KATNIP: variants seen among roughly 807,000 people sequenced by gnomAD.
The protein encoded by KATNIP is katanin interacting protein.
A neutral mutation model predicts 174.0 loss-of-function variants in KATNIP; 126 were observed. The observed-to-expected ratio is 0.72, with a 90% CI of 0.63 to 0.84. The LOEUF is 0.84. Ranked by LOEUF, KATNIP falls within the 40% of genes least tolerant of loss-of-function variation. The probability of loss-of-function intolerance (pLI) is 0.00; values close to 1 mark genes in which losing one functional copy is unlikely to be tolerated. For missense variants in KATNIP, 1,958 were observed against 2,109.7 expected (o/e 0.93, Z 1.41); for synonymous variants, 810 against 835.7 (o/e 0.97, Z 0.53).
chr16:27,716,029 GC>G (rs1254377716), intron 13 of KATNIP, among the ~76,000 whole-genome samples: 2 of 150,572 alleles, frequency 1.3e-5, no homozygotes, highest in East Asian at 3.9e-4. Flanking sequence ...ATTCAGAATA[GC>G]CAAAAAGTAG....
At chr16:27,561,424 C>T (rs188616951) in intron 1 of KATNIP, among the ~76,000 whole-genome samples, 96 of 152,272 alleles carry the variant, frequency 6.3e-4, no homozygotes, top group African/African-American at 2.2e-3. Context: ...CAGCTGCTTC[C>T]TCTGCTCTCC....
intron 6 of KATNIP, among the ~76,000 whole-genome samples, chr16:27,653,417 C>T (rs755324931): frequency 5.3e-5 from 8 of 151,780 alleles, no homozygotes; most frequent in Non-Finnish European, 1.2e-4. Flanking sequence ...GGCCAGCCCA[C>T]CCCAACCCTG....
chr16:27,582,984 T>C (rs893106109), intron 2 of KATNIP, among the ~76,000 whole-genome samples: 1 of 152,200 alleles, frequency 6.6e-6, no homozygotes, highest in South Asian at 2.1e-4. Flanking sequence ...TCCATCCCTG[T>C]TGGAATTCCT....
intron 13 of KATNIP, among the ~76,000 whole-genome samples, chr16:27,713,854 A>ATATATC (rs1555482296): frequency 3.5e-4 from 24 of 69,330 alleles, no homozygotes; most frequent in South Asian, 1.4e-3. Context: ...ATATATATAT[A>ATATATC]TATCTATCTC....
At chr16:27,616,999 C>T (rs192770161) in intron 2 of KATNIP, among the ~76,000 whole-genome samples, 11 of 149,850 alleles carry the variant, frequency 7.3e-5, no homozygotes, top group South Asian at 2.1e-4. Context: ...GAAAAGCACC[C>T]GGAGGAAGAT....
chr16:27,607,657 G>A (rs1208007936), intron 2 of KATNIP, among the ~76,000 whole-genome samples: 1 of 148,124 alleles, frequency 6.8e-6, no homozygotes, highest in African/African-American at 2.5e-5. Context: ...GAGTGCAGTG[G>A]CACAATCTCA....
chr16:27,662,075 C>CAT (rs1479622076), intron 6 of KATNIP, among the ~76,000 whole-genome samples: 12 of 58,424 alleles, frequency 2.1e-4, no homozygotes, highest in Non-Finnish European at 3.4e-4. Flanking sequence ...TATATATACA[C>CAT]ACATATATAT....
rs768879716 is a variant in KATNIP, at chr16:27,740,403, G to A, written c.2106G>A (p.Ser702=). The A allele has an allele frequency of 8.7e-6, 14 of 1,613,924 alleles. No homozygotes were observed. Among genetic ancestry groups the A allele is most frequent in the African/African-American group, 5.3e-5 (4 of 74,932 alleles). ...LSQLEEYLRL[S]AVPTSMGDMP... is the part of the protein sequence containing the mutation. ...AGTTAGAGGAATATTTGAGACTGTCGGCAGTCCCCACTTCGATGGGTGACA... is the reference window on the plus strand; with the variant it reads ...AGTTAGAGGAATATTTGAGACTGTCAGCAGTCCCCACTTCGATGGGTGACA... Residue 702 remains serine, a synonymous_variant, in exon 15 of 28, where the codon TCG becomes TCA. Transcript: ENST00000261588.
chr16:27,562,415 T>C (rs1263214691), intron 1 of KATNIP, among the ~76,000 whole-genome samples: 1 of 152,214 alleles, frequency 6.6e-6, no homozygotes, highest in Non-Finnish European at 1.5e-5. Flanking sequence ...GGCCTGGTGC[T>C]TGGTAGACTC....
At chr16:27,698,164 T>C (rs1027470183) in intron 8 of KATNIP, among the ~76,000 whole-genome samples, 164 bp from the exon 9 acceptor site, 1 of 152,184 alleles carries the variant, frequency 6.6e-6, no homozygotes, top group Non-Finnish European at 1.5e-5. Context: ...CTGCCTAGTC[T>C]CCTGTAATCT....
intron 2 of KATNIP, among the ~76,000 whole-genome samples, chr16:27,609,271 T>A (rs2075812876): frequency 6.6e-6 from 1 of 151,272 alleles, no homozygotes; most frequent in African/African-American, 2.4e-5. Flanking sequence ...TGTGTGTTAG[T>A]GCAGGGAGGG....
At position 27,690,362 on chromosome 16, in the gene KATNIP, ATG is replaced by A. The variant is rs1491214609; in HGVS notation, c.941-7965_941-7964del. On this transcript the variant is annotated intron_variant, in intron 8 of 27. Coordinates refer to ENST00000261588, the MANE Select transcript of KATNIP (RefSeq NM_015202.5). ...GATAGATAGATAGATAGATAGATAG[ATG>A]ATAGATAGATAGATAGATAGATAGA... Among the ~76,000 whole-genome samples the A allele has an allele frequency of 2.9e-5, 3 of 102,122 alleles. No homozygotes were observed. In the Admixed American group the frequency reaches 3.2e-4, roughly 11 times the overall value. 67.0% of individuals were successfully genotyped at this position (102,122 alleles called of 152,430 possible). A position where few individuals can be genotyped will look rare whatever the true frequency, so the allele number is the denominator to read the frequency against.
chr16:27,688,406 AGT>A (rs2078597426), intron 8 of KATNIP, among the ~76,000 whole-genome samples: 1 of 152,188 alleles, frequency 6.6e-6, no homozygotes, highest in Non-Finnish European at 1.5e-5. Flanking sequence ...CAGCCTGACC[AGT>A]ACGGTGAAAC....
rs150134264 is a variant in KATNIP at position 27,596,194 on chromosome 16, G to A, written c.64-22231G>A. Reference sequence around the variant, plus strand: ...AGGCAGTGGCTGCTGCACAATCTCCGTGAGAGATGACGTGGCTTCCTTTGG... The same window carrying A: ...AGGCAGTGGCTGCTGCACAATCTCCATGAGAGATGACGTGGCTTCCTTTGG... On this transcript the variant is annotated intron_variant, in intron 2 of 27. Transcript: ENST00000261588. 4.5e-3 allele frequency among the ~76,000 whole-genome samples: 678 copies of A among 152,288 alleles called. 2 individuals carry two copies. Among genetic ancestry groups the A allele is most frequent in the Non-Finnish European group, 6.9e-3 (471 of 68,020 alleles).
intron 2 of KATNIP, among the ~76,000 whole-genome samples, chr16:27,607,546 A>G (rs1184609618): frequency 6.6e-6 from 1 of 151,454 alleles, no homozygotes; most frequent in African/African-American, 2.4e-5. Flanking sequence ...CGGGGAATCA[A>G]GTGACTTGGG....
intron 5 of KATNIP, among the ~76,000 whole-genome samples, chr16:27,643,884 G>T (rs1404633242): frequency 6.6e-6 from 1 of 151,906 alleles, no homozygotes; most frequent in East Asian, 1.9e-4. Flanking sequence ...GGAAATGCAT[G>T]CCCTAATTAC....
At chr16:27,587,818 T>C (rs1018885) in intron 2 of KATNIP, among the ~76,000 whole-genome samples, 135,236 of 152,124 alleles carry the variant, frequency 0.89, 60,349 homozygotes, top group East Asian at 1. Context: ...ACAATAAAGT[T>C]GAAAAATCCT....
intron 1 of KATNIP, among the ~76,000 whole-genome samples, chr16:27,570,111 G>A (rs566864981): frequency 2.0e-5 from 3 of 152,200 alleles, no homozygotes; most frequent in Middle Eastern, 3.4e-3. Context: ...ACGACTGAAC[G>A]CAGGTCTCAT....
At chr16:27,775,117 GGCCC>G in intron 24 of KATNIP, 33 bp downstream of exon 24, 1 of 1,597,840 alleles carries the variant, frequency 6.3e-7, no homozygotes, top group Non-Finnish European at 8.5e-7. Flanking sequence ...CGCAGCTCCT[GGCCC>G]TCAGGCGGGC....
Sources: gnomAD v4.1 joint callset for allele counts (sites outside exome capture counted in the v4.1 genomes callset) on GRCh38, gnomAD v4.1.1 for gene constraint, MANE v1.5 for transcripts, NCBI Gene and HGNC (gene_info 2026-07-23, HGNC 2026-07-21) for gene names.